METTL8: variants seen among roughly 807,000 people sequenced by gnomAD.
METTL8 encodes tRNA N(3)-cytidine methyltransferase METTL8, mitochondrial.
Under a neutral mutation model 48.7 loss-of-function variants are expected in METTL8, and 32 were observed. The ratio of observed to expected loss-of-function variants is 0.66; its 90% confidence interval spans 0.50 to 0.88. The LOEUF (loss-of-function observed/expected upper bound fraction) is 0.88. METTL8 is among the 40% of genes least tolerant of loss of function. The pLI is 0.00. For synonymous variants in METTL8, 136 were observed against 157.1 expected (o/e 0.87, Z 1.01); for missense variants, 464 against 474.4 (o/e 0.98, Z 0.20).
At chr2:171,330,746 C>A in intron 6 of METTL8, 48 bp from the exon 7 acceptor site, 2 of 1,488,846 alleles carry the variant, frequency 1.3e-6, no homozygotes, top group South Asian at 1.3e-5. Context: ...TAGTAGACTT[C>A]CGGGATTTTT....
intron 2 of METTL8, among the ~76,000 whole-genome samples, chr2:171,368,392 T>C (rs1171580171): frequency 6.6e-6 from 1 of 152,202 alleles, no homozygotes; most frequent in Non-Finnish European, 1.5e-5. Flanking sequence ...GTATGTGGCA[T>C]ATAGTTTCTC....
intron 7 of METTL8, among the ~76,000 whole-genome samples, chr2:171,326,764 T>G (rs1685006082): frequency 6.6e-6 from 1 of 152,208 alleles, no homozygotes; most frequent in South Asian, 2.1e-4. Context: ...CCATTTGTAC[T>G]CCCTTAGTAC....
chr2:171,365,876 G>A (rs187718017), intron 2 of METTL8, among the ~76,000 whole-genome samples: 2 of 152,152 alleles, frequency 1.3e-5, no homozygotes, highest in African/African-American at 2.4e-5. Context: ...AACACAAAAG[G>A]TGAGTCCCCA....
At chr2:171,432,131 G>C (rs1056178356) in intron 1 of METTL8, among the ~76,000 whole-genome samples, 2 of 152,190 alleles carry the variant, frequency 1.3e-5, no homozygotes, top group Non-Finnish European at 2.9e-5. Flanking sequence ...TGGCCCAGTG[G>C]GCCAGTTGTG....
intron 3 of METTL8, among the ~76,000 whole-genome samples, chr2:171,353,786 G>A (rs1420780956): frequency 2.0e-5 from 3 of 152,064 alleles, no homozygotes; most frequent in Non-Finnish European, 4.4e-5. Context: ...TGCAACCCCT[G>A]CTTTTTTTTG....
At chr2:171,349,040 A>G (rs1449591847) in intron 3 of METTL8, among the ~76,000 whole-genome samples, 1 of 152,174 alleles carries the variant, frequency 6.6e-6, no homozygotes, top group Non-Finnish European at 1.5e-5. Context: ...ACTATTTTAA[A>G]ATGTATAGTT....
chr2:171,391,367 T>A (rs1340998454), intron 2 of METTL8, among the ~76,000 whole-genome samples: 1 of 152,364 alleles, frequency 6.6e-6, no homozygotes, highest in Non-Finnish European at 1.5e-5. Context: ...TTTACTGCAG[T>A]GGTCTCAACC....
At chr2:171,422,735 T>C (rs926129962) in intron 1 of METTL8, among the ~76,000 whole-genome samples, 5 of 152,294 alleles carry the variant, frequency 3.3e-5, no homozygotes, top group Non-Finnish European at 7.3e-5. Context: ...ATTTATAATA[T>C]GGAAAATGCA....
At chr2:171,359,619 G>A (rs1684954231) in intron 3 of METTL8, among the ~76,000 whole-genome samples, 1 of 145,094 alleles carries the variant, frequency 6.9e-6, no homozygotes, top group South Asian at 2.2e-4. Context: ...AACATTTCCG[G>A]TTTTTTTTTT....
chr2:171,371,614 C>A (rs1179231461), intron 2 of METTL8, among the ~76,000 whole-genome samples: 1 of 151,986 alleles, frequency 6.6e-6, no homozygotes, highest in Non-Finnish European at 1.5e-5. Context: ...GCCTTGGCTT[C>A]CCAAAGCACT....
At chr2:171,384,655 C>A (rs1219608986) in intron 2 of METTL8, among the ~76,000 whole-genome samples, 3 of 151,762 alleles carry the variant, frequency 2.0e-5, no homozygotes, top group Admixed American at 6.6e-5. Flanking sequence ...CATAGTGAGA[C>A]CCCACCTCTA....
chr2:171,409,936 C>T (rs1574183568), intron 1 of METTL8, among the ~76,000 whole-genome samples: 2 of 152,054 alleles, frequency 1.3e-5, no homozygotes, highest in African/African-American at 2.4e-5. Flanking sequence ...TGTGGAATTT[C>T]GACCTAGAGC....
upstream of METTL8, chr2:171,434,744 C>G (rs1174025833): frequency 2.3e-5 from 32 of 1,391,856 alleles, no homozygotes; most frequent in South Asian, 3.4e-4. Flanking sequence ...GGGCCGCGGG[C>G]GCGCGGCGGC....
chr2:171,377,456 C>T (rs939788559), intron 2 of METTL8, among the ~76,000 whole-genome samples: 3 of 152,186 alleles, frequency 2.0e-5, no homozygotes, highest in African/African-American at 7.2e-5. Flanking sequence ...AGACAACCCA[C>T]AGAGTGGGAG....
At chr2:171,426,185 T>G (rs930138485) in intron 1 of METTL8, among the ~76,000 whole-genome samples, 1 of 151,304 alleles carries the variant, frequency 6.6e-6, no homozygotes, top group Admixed American at 6.6e-5. Context: ...ACAAAAAACA[T>G]GAAAGAAACA....
intron 6 of METTL8, 39 bp downstream of exon 6, chr2:171,331,765 C>T (rs374565336): frequency 1.3e-6 from 2 of 1,489,616 alleles, no homozygotes; most frequent in Admixed American, 1.8e-5. Context: ...GGGGTAATAC[C>T]TTAGGCATCA....
Position 171,375,110 on chromosome 2 carries a change from T to G in METTL8, c.144-14597A>C, listed in dbSNP as rs1384143666. 8 of 1,303,740 alleles carry G rather than the reference T, an allele frequency of 6.1e-6. No homozygotes were observed. In the East Asian group the frequency reaches 1.1e-4, roughly 19 times the overall value. The allele number at this position is 1,303,740 out of a possible 1,614,324, so 80.8% of individuals were successfully genotyped here. On this transcript the variant is annotated intron_variant, in intron 2 of 9. Transcript: ENST00000375258. ...GGAAGCACATAGGCATTGAAGACGC[T>G]CACTTCAGAAATGTCCCTGACTGCT...
chr2:171,328,320 T>C (rs1441650375), intron 7 of METTL8, among the ~76,000 whole-genome samples: 3 of 152,256 alleles, frequency 2.0e-5, no homozygotes, highest in Non-Finnish European at 4.4e-5. Flanking sequence ...CAATTCGCTC[T>C]TCTTTTGTAG....
At position 171,330,809 on chromosome 2, in the gene METTL8, C is replaced by G. The variant is rs1685450999; in HGVS notation, c.721-111G>C. ...TTAACCTTTTCTCCCAAAAGCCTTT[C>G]CTCTGTCAGTCTGAACACTTTTTTC... On this transcript the variant is annotated intron_variant, in intron 6 of 9. Transcript: ENST00000375258. 8 of 823,948 alleles carry G rather than the reference C, an allele frequency of 9.7e-6. No individual in the cohort carries two copies. In the South Asian group the frequency reaches 1.6e-4, roughly 17 times the overall value. The allele number at this position is 823,948 out of a possible 1,614,324, so 51.0% of individuals were successfully genotyped here.
Sources: gnomAD v4.1 joint callset for allele counts (sites outside exome capture counted in the v4.1 genomes callset) on GRCh38, gnomAD v4.1.1 for gene constraint, MANE v1.5 for transcripts, NCBI Gene and HGNC (gene_info 2026-07-23, HGNC 2026-07-21) for gene names.